The following MTX1 variants were observed in gnomAD, a reference collection of about 807,000 sequenced individuals.
MTX1 encodes metaxin-1.
MTX1 carries 20 observed loss-of-function variants against 39.4 expected under a neutral mutation model. The observed-to-expected ratio is 0.51, with a 90% confidence interval of 0.36 to 0.74. MTX1 has a LOEUF of 0.74. Among genes scored for constraint, MTX1 ranks in the 30% least tolerant of loss-of-function variants. The pLI, the probability that MTX1 is intolerant of heterozygous loss-of-function variation, is 0.00. For synonymous variants in MTX1, 209 were observed against 198.6 expected, an observed-to-expected ratio of 1.05 and a Z score of -0.44; for missense variants, 481 against 485.9, an observed-to-expected ratio of 0.99 and a Z score of 0.10.
intron 3 of MTX1, chr1:155,211,276 G>A (rs1460753716): frequency 2.0e-5 from 3 of 152,694 alleles, no homozygotes; most frequent in Non-Finnish European, 4.4e-5. Context: ...CCTGGAAAGA[G>A]AGGATCCAGA....
At chr1:155,211,807 A>T (rs1463662262) in intron 3 of MTX1, 1 of 219,706 alleles carries the variant, frequency 4.6e-6, no homozygotes, top group Non-Finnish European at 9.1e-6. Context: ...TACTGTTAGA[A>T]AGTTGCCGTC....
rs925357732 is a variant in MTX1, at chr1:155,210,214, C to G, written c.529-132C>G. The G allele has an allele frequency of 3.7e-5, 29 of 779,382 alleles. No individual in the cohort carries two copies. The African/African-American group carries it at 4.5e-4, about 12-fold the overall frequency. The allele number at this position is 779,382 out of a possible 1,614,324, so 48.3% of individuals were successfully genotyped here. A position where few individuals can be genotyped will look rare whatever the true frequency, so the allele number is the denominator to read the frequency against. The stretch of plus-strand genomic sequence containing the variant: ...AAAATAGAAATGGTAGTGACTCCCC[C>G]TTTTTTTTCGAGACTAAGATACTAA... On this transcript the variant is annotated intron_variant, in intron 1 of 7. Transcript: ENST00000368376.
In MTX1 at chr1:155,212,425, T is replaced by C. The variant is rs1318663746; in HGVS notation, c.812T>C (p.Val271Ala). The change falls in exon 5 of 8, where the codon GTG becomes GCG. Residue 271 changes from valine (V) to alanine (A), a missense_variant. This residue lies in a region of MTX1 where 113 missense variants were observed against 153.2 expected (regional missense o/e 0.74). Coordinates refer to ENST00000368376, the MANE Select transcript of MTX1 (RefSeq NM_002455.5). Reference sequence around the variant, plus strand: ...ATAGACACCAAGAACTACGTGGAAGTGACCCGGAAGTGGTATGCAGAGGCT... The same window carrying C: ...ATAGACACCAAGAACTACGTGGAAGCGACCCGGAAGTGGTATGCAGAGGCT... ...FWIDTKNYVE[V>A]TRKWYAEAMP... is the part of the protein sequence containing the mutation. 1.9e-6 allele frequency: 3 copies of C among 1,614,076 alleles called. No individual in the cohort carries two copies. Among genetic ancestry groups the C allele is most frequent in the Non-Finnish European group, 2.5e-6 (3 of 1,180,042 alleles).
Position 155,212,126 on chromosome 1 carries a change from G to T in MTX1, c.679-1G>T. 6.2e-7 allele frequency: 1 copy of T among 1,602,126 alleles called. No individual in the cohort carries two copies. The highest frequency in any genetic ancestry group is 8.5e-7 in the Non-Finnish European group (1 of 1,173,806). On this transcript the variant is annotated splice_acceptor_variant, in intron 3 of 7. Coordinates refer to ENST00000368376, the MANE Select transcript of MTX1 (RefSeq NM_002455.5). LOFTEE classifies it high-confidence loss of function. ...CCACGCCATGGATATTTCCTCCACAGAAGTACAATGCTGATTATGATCTGT... is the reference window on the plus strand; with the variant it reads ...CCACGCCATGGATATTTCCTCCACATAAGTACAATGCTGATTATGATCTGT...
In MTX1 at chr1:155,208,720, T is replaced by A; in HGVS notation, c.-85T>A. The A allele has an allele frequency of 1.2e-4, 91 of 742,894 alleles. No individual in the cohort carries two copies. Among genetic ancestry groups the A allele is most frequent in the Non-Finnish European group, 1.4e-4 (76 of 535,032 alleles). The allele number at this position is 742,894 out of a possible 1,614,324, so 46.0% of individuals were successfully genotyped here. A position where few individuals can be genotyped will look rare whatever the true frequency, so the allele number is the denominator to read the frequency against. On this transcript the variant is annotated 5_prime_UTR_variant, in exon 1 of 8. Transcript: ENST00000368376. Reference sequence around the variant, plus strand: ...ACCCAAGCCCCAGCCCGGCCTCCGCTCCGGCCGCCGCCACCGCCCCTGTTT... The same window carrying A: ...ACCCAAGCCCCAGCCCGGCCTCCGCACCGGCCGCCGCCACCGCCCCTGTTT...
At chr1:155,212,272 A>C (rs1240283176) in intron 4 of MTX1, 53 bp downstream of exon 4, 86 of 1,595,478 alleles carry the variant, frequency 5.4e-5, no homozygotes, top group Middle Eastern at 1.7e-4. Flanking sequence ...AGGGTTCGGG[A>C]ACACACAGAC....
chr1:155,210,321 C>T, intron 1 of MTX1, 25 bp from the exon 2 acceptor site: 2 of 1,608,996 alleles, frequency 1.2e-6, no homozygotes, highest in Non-Finnish European at 1.7e-6. Context: ...CTCTGCCTCT[C>T]TGACTTCTGC....
rs539714513 is a variant in MTX1, at chr1:155,210,677, T to G, written c.678+50T>G. 6.0e-6 allele frequency: 9 copies of G among 1,509,280 alleles called. No homozygotes were observed. In the Admixed American group the frequency reaches 1.0e-4, roughly 17 times the overall value. 93.5% of individuals were successfully genotyped at this position (1,509,280 alleles called of 1,614,324 possible). A position where few individuals can be genotyped will look rare whatever the true frequency, so the allele number is the denominator to read the frequency against. On this transcript the variant is annotated intron_variant, in intron 3 of 7. Coordinates refer to ENST00000368376, the MANE Select transcript of MTX1 (RefSeq NM_002455.5). ...TGCCAGTGAGAGAAGTTCAGTCAAT[T>G]CTATACAATACACATTTATTGAGCA...
chr1:155,212,042 G>A, intron 3 of MTX1, 85 bp from the exon 4 acceptor site: 5 of 1,219,850 alleles, frequency 4.1e-6, no homozygotes, highest in Middle Eastern at 4.4e-4. Context: ...GGCCAGTGAG[G>A]GGGGTACCAG....
chr1:155,208,884 A>G lies in MTX1; in HGVS notation c.80A>G (p.Gln27Arg). The change falls in exon 1 of 8, where the codon CAG becomes CGG. Residue 27 changes from glutamine to arginine, a missense_variant. Transcript: ENST00000368376. ...KGPWSSTGHV[Q>R]FGKSPQTWPR... The stretch of plus-strand genomic sequence containing the variant: ...CCCTGGAGCAGTACAGGCCACGTGC[A>G]GTTTGGCAAGAGCCCCCAGACCTGG... 1.9e-6 allele frequency: 3 copies of G among 1,611,736 alleles called. No homozygotes were observed. Among genetic ancestry groups the G allele is most frequent in the Non-Finnish European group, 2.5e-6 (3 of 1,179,624 alleles).
chr1:155,209,040 T>C lies in MTX1; in HGVS notation c.236T>C (p.Leu79Pro). The part of the protein sequence containing the change: ...PTALSRYVGH[L>P]WMGRRPPSPE... ...GCGCTGTCCCGCTACGTGGGCCACC[T>C]CTGGATGGGCCGGCGGCCGCCCTCC... Residue 79 changes from leucine to proline, a missense_variant, in exon 1 of 8, where the codon CTC (leucine) becomes CCC (proline). Leu to Pro is a moderately conservative substitution (Grantham distance 98). This residue lies in a region of MTX1 where 368 missense variants were observed against 332.8 expected (regional missense o/e 1.11). Transcript: ENST00000368376. 2.6e-6 allele frequency: 4 copies of C among 1,554,818 alleles called. No individual in the cohort carries two copies. The highest frequency in any genetic ancestry group is 3.5e-6 in the Non-Finnish European group (4 of 1,150,324).
chr1:155,208,991 T>A lies in MTX1; in HGVS notation c.187T>A (p.Ser63Thr), dbSNP rs760077. The part of the protein sequence containing the change: ...RGSTWTRRRD[S>T]PRRAGPTALS... Reference sequence around the variant, plus strand: ...CTCCACTTGGACGAGGCGCCGTGACTCTCCGAGGCGCGCCGGGCCGACAGC... The same window carrying A: ...CTCCACTTGGACGAGGCGCCGTGACACTCCGAGGCGCGCCGGGCCGACAGC... The change falls in exon 1 of 8, where the codon TCT becomes ACT. Residue 63 changes from serine to threonine, a missense_variant. Physicochemically the swap from Ser to Thr is moderately conservative, Grantham distance 58. This residue lies in a region of MTX1 where 368 missense variants were observed against 332.8 expected (regional missense o/e 1.11). Coordinates refer to ENST00000368376, the MANE Select transcript of MTX1 (RefSeq NM_002455.5). 0.38 allele frequency: 614,786 copies of A among 1,599,114 alleles called. 121,197 individuals are homozygous for A. The highest frequency in any genetic ancestry group is 0.49 in the Middle Eastern group (2,864 of 5,802).
At chr1:155,211,409 G>T (rs1011707965) in intron 3 of MTX1, 5 of 152,604 alleles carry the variant, frequency 3.3e-5, no homozygotes, top group African/African-American at 1.2e-4. Flanking sequence ...CAGAGAAAGA[G>T]ATTCTTACCC....
chr1:155,210,005 T>G (rs1671046570), intron 1 of MTX1, among the ~76,000 whole-genome samples: 1 of 152,206 alleles, frequency 6.6e-6, no homozygotes, highest in African/African-American at 2.4e-5. Flanking sequence ...AGACCACAGA[T>G]ACTGCCAAAG....
At position 155,208,723 on chromosome 1, in the gene MTX1, G is replaced by A. The variant is rs535735384; in HGVS notation, c.-82G>A. ...CAAGCCCCAGCCCGGCCTCCGCTCCGGCCGCCGCCACCGCCCCTGTTTTGT... is the reference window on the plus strand; with the variant it reads ...CAAGCCCCAGCCCGGCCTCCGCTCCAGCCGCCGCCACCGCCCCTGTTTTGT... On this transcript the variant is annotated 5_prime_UTR_variant, in exon 1 of 8. Transcript: ENST00000368376. The A allele has an allele frequency of 2.1e-4, 97 of 466,380 alleles. No homozygotes were observed. The highest frequency in any genetic ancestry group is 1.5e-3 in the African/African-American group (67 of 45,892). 28.9% of individuals were successfully genotyped at this position (466,380 alleles called of 1,614,324 possible).
intron 1 of MTX1, 149 bp downstream of exon 1, chr1:155,209,481 C>A: frequency 1.1e-6 from 1 of 875,552 alleles, no homozygotes; most frequent in Non-Finnish European, 1.6e-6. Flanking sequence ...GCCGATATGG[C>A]CTCAGTGCCC....
chr1:155,211,898 T>C (rs1156722209), intron 3 of MTX1: 6 of 395,092 alleles, frequency 1.5e-5, no homozygotes, highest in South Asian at 1.3e-4. Flanking sequence ...CTTCCCTGCA[T>C]TGGGCGCTGG....
At chr1:155,210,193 T>C (rs774289916) in intron 1 of MTX1, among the ~76,000 whole-genome samples, 153 bp from the exon 2 acceptor site, 6 of 152,188 alleles carry the variant, frequency 3.9e-5, no homozygotes, top group Admixed American at 1.3e-4. Flanking sequence ...ATTTGTAAAA[T>C]AGAAATGGTA....
intron 3 of MTX1, chr1:155,211,595 A>G (rs1463326858): frequency 1.3e-5 from 2 of 153,492 alleles, no homozygotes; most frequent in Non-Finnish European, 2.9e-5. Context: ...GTATGTGGTA[A>G]TGGTGTCTGA....
Sources: allele counts gnomAD v4.1 joint callset (sites outside exome capture counted in the v4.1 genomes callset), GRCh38; gene constraint gnomAD v4.1.1; regional missense constraint gnomAD v4.1.1; transcripts MANE v1.5; gene names NCBI Gene and HGNC (gene_info 2026-07-23, HGNC 2026-07-21).